Variants in CCSER1 observed in about 807,000 individuals in gnomAD.
CCSER1 encodes serine-rich coiled-coil domain-containing protein 1.
A neutral mutation model predicts 82.0 loss-of-function variants in CCSER1; 41 were observed. That is an observed-to-expected ratio of 0.50 (90% CI 0.39 to 0.65). The LOEUF (loss-of-function observed/expected upper bound fraction) is 0.65. Ranked by LOEUF, CCSER1 falls within the 30% of genes least tolerant of loss-of-function variation. The pLI is 0.00. For synonymous variants in CCSER1, 414 were observed against 383.9 expected (o/e 1.08, Z -0.92); for missense variants, 1,119 against 1,064.2 (o/e 1.05, Z -0.72).
At chr4:90,158,012 C>G (rs554221161) in intron 1 of CCSER1, among the ~76,000 whole-genome samples, 1 of 152,102 alleles carries the variant, frequency 6.6e-6, no homozygotes, top group Non-Finnish European at 1.5e-5. Flanking sequence ...GTTTTATCTA[C>G]TTTTGGTCTT....
At chr4:90,469,933 A>T (rs1161883579) in intron 5 of CCSER1, among the ~76,000 whole-genome samples, 1 of 152,160 alleles carries the variant, frequency 6.6e-6, no homozygotes, top group Non-Finnish European at 1.5e-5. Flanking sequence ...CTAAATCCAA[A>T]AATATGAAAT....
intron 1 of CCSER1, among the ~76,000 whole-genome samples, chr4:90,272,363 T>TC (rs35321524): frequency 2.0e-5 from 3 of 150,252 alleles, no homozygotes; most frequent in African/African-American, 7.6e-5. Context: ...AGATATATCA[T>TC]CTCATGCCAG....
At chr4:90,478,731 C>CGTT (rs1257506832) in intron 5 of CCSER1, among the ~76,000 whole-genome samples, 1 of 133,252 alleles carries the variant, frequency 7.5e-6, no homozygotes. Flanking sequence ...TTCTTTCTTT[C>CGTT]TTTTTTTTTT....
intron 4 of CCSER1, among the ~76,000 whole-genome samples, chr4:90,467,912 T>C (rs28609018): frequency 0.039 from 6,009 of 152,228 alleles, 189 homozygotes; most frequent in Non-Finnish European, 0.06. Context: ...GCAGGTGTGG[T>C]CATGTTGCAA....
chr4:90,618,156 C>A (rs1721648026), intron 5 of CCSER1, among the ~76,000 whole-genome samples: 1 of 151,974 alleles, frequency 6.6e-6, no homozygotes. Flanking sequence ...AGTTCTGTCA[C>A]CCTAAAGATT....
At chr4:91,572,935 C>T (rs1000110893) in intron 10 of CCSER1, among the ~76,000 whole-genome samples, 1 of 152,138 alleles carries the variant, frequency 6.6e-6, no homozygotes, top group Non-Finnish European at 1.5e-5. Flanking sequence ...AGCTAAGTCA[C>T]TCAAACAGCA....
chr4:90,688,937 G>C (rs796748675), intron 6 of CCSER1, among the ~76,000 whole-genome samples: 7 of 152,160 alleles, frequency 4.6e-5, no homozygotes, highest in African/African-American at 1.7e-4. Context: ...CACTAAAATT[G>C]CTTGAGAAGA....
intron 9 of CCSER1, among the ~76,000 whole-genome samples, chr4:90,974,993 A>G (rs1735475870): frequency 6.6e-6 from 1 of 151,448 alleles, no homozygotes; most frequent in Non-Finnish European, 1.5e-5. Context: ...TCCATAAAGC[A>G]AAGTGTTATA....
chr4:90,926,122 C>T (rs149904139), intron 9 of CCSER1, among the ~76,000 whole-genome samples: 129 of 151,934 alleles, frequency 8.5e-4, no homozygotes, highest in African/African-American at 3.0e-3. Context: ...ATTTTATATG[C>T]AATAATAATC....
At chr4:90,511,134 A>C (rs1006727296) in intron 5 of CCSER1, among the ~76,000 whole-genome samples, 2 of 152,178 alleles carry the variant, frequency 1.3e-5, no homozygotes, top group Non-Finnish European at 2.9e-5. Context: ...GAAGCTAGAA[A>C]TCAGTCTGGG....
intron 1 of CCSER1, among the ~76,000 whole-genome samples, chr4:90,302,989 C>A (rs987215516): frequency 2.0e-5 from 3 of 152,142 alleles, no homozygotes; most frequent in Middle Eastern, 3.4e-3. Context: ...TAATCTTGAC[C>A]TATAGTCTAT....
At chr4:90,185,976 A>G (rs1014536650) in intron 1 of CCSER1, among the ~76,000 whole-genome samples, 33 of 152,016 alleles carry the variant, frequency 2.2e-4, no homozygotes, top group African/African-American at 7.7e-4. Context: ...ATATTGTGCC[A>G]CATTAGGTTC....
intron 3 of CCSER1, among the ~76,000 whole-genome samples, chr4:90,316,217 A>G (rs1736135121): frequency 6.6e-6 from 1 of 152,220 alleles, no homozygotes; most frequent in South Asian, 2.1e-4. Flanking sequence ...GAAGATAAGC[A>G]GGTTGCCTAA....
chr4:90,743,925 C>T (rs1263901331), intron 7 of CCSER1, among the ~76,000 whole-genome samples: 1 of 152,096 alleles, frequency 6.6e-6, no homozygotes, highest in East Asian at 1.9e-4. Flanking sequence ...TTGCTCTTTC[C>T]CATGGGCCTG....
chr4:90,343,491 G>A (rs890346528), intron 3 of CCSER1, among the ~76,000 whole-genome samples: 10 of 152,164 alleles, frequency 6.6e-5, no homozygotes, highest in African/African-American at 2.4e-4. Context: ...AGTGGAGCGC[G>A]TTTGTAATCC....
At chr4:91,156,162 A>C (rs2148965352) in intron 10 of CCSER1, among the ~76,000 whole-genome samples, 1 of 151,820 alleles carries the variant, frequency 6.6e-6, no homozygotes, top group South Asian at 2.1e-4. Context: ...AAGGGAGGTG[A>C]TGGCCAAATA....
At chr4:91,223,220 TAGTG>T (rs1168954242) in intron 10 of CCSER1, among the ~76,000 whole-genome samples, 2 of 152,062 alleles carry the variant, frequency 1.3e-5, no homozygotes, top group South Asian at 2.1e-4. Context: ...AGGCAATAGA[TAGTG>T]AGTTCGTATT....
chr4:90,865,522 G>A (rs114903646), intron 8 of CCSER1, among the ~76,000 whole-genome samples: 5,102 of 151,738 alleles, frequency 0.034, 137 homozygotes, highest in African/African-American at 0.066. Flanking sequence ...ATTCTTGTTG[G>A]TTTCCTATTG....
In CCSER1 at chr4:90,154,070, G is replaced by T. The variant is rs1403937975; in HGVS notation, c.-42+26239G>T. Among the ~76,000 whole-genome samples, 25 of 152,200 alleles carry T rather than the reference G, an allele frequency of 1.6e-4. 1 individual carries two copies. The Middle Eastern group carries it at 0.014, about 83-fold the overall frequency. ...AATTTTTGTATAAGGTGTAAGGAAG[G>T]GATCCAGTTTCAGCTTTCTACATAT... On this transcript the variant is annotated intron_variant, in intron 1 of 10. Transcript: ENST00000509176.
Sources: gnomAD v4.1 joint callset for allele counts (sites outside exome capture counted in the v4.1 genomes callset) on GRCh38, gnomAD v4.1.1 for gene constraint, MANE v1.5 for transcripts, NCBI Gene and HGNC (gene_info 2026-07-23, HGNC 2026-07-21) for gene names.